The following SNX3 variants were observed in gnomAD, a reference collection of about 807,000 sequenced individuals.
SNX3 encodes the protein sorting nexin 3.
In SNX3, 5 loss-of-function variants were observed where a neutral mutation model predicts 17.7. That is an observed-to-expected ratio of 0.28 (90% CI 0.15 to 0.59). SNX3 has a LOEUF of 0.59. SNX3 is among the 20% of genes least tolerant of loss of function. The pLI is 0.88. For missense variants in SNX3, 132 were observed against 206.8 expected (o/e 0.64, Z 2.22); for synonymous variants, 91 against 76.5 (o/e 1.19, Z -0.99).
chr6:108,260,752 G>A lies in SNX3; in HGVS notation c.162+8C>T, dbSNP rs1341177907. 6.2e-7 allele frequency: 1 copy of A among 1,613,524 alleles called. No homozygotes were observed. Among genetic ancestry groups the A allele is most frequent in the East Asian group, 2.2e-5 (1 of 44,778 alleles). ...GGGTTTCTTGGGAGAGGGGAGAGAC[G>A]GCCTCACCTTGACCCTGATTTCGTA... On this transcript the variant is annotated splice_region_variant and intron_variant, in intron 1 of 3. Coordinates refer to ENST00000230085, the MANE Select transcript of SNX3 (RefSeq NM_003795.6).
rs74985967 is a variant in SNX3, at chr6:108,225,747, G to T, written c.163-2702C>A. On this transcript the variant is annotated intron_variant, in intron 1 of 3. Transcript: ENST00000230085. ...GACCAGTATTTTATCATTAAGAATA[G>T]ATTTTAGGCCAGGCATGGTGGCTCA... 3.3e-5 allele frequency among the ~76,000 whole-genome samples: 5 copies of T among 151,696 alleles called. No individual in the cohort carries two copies. In the East Asian group the frequency reaches 9.8e-4, roughly 30 times the overall value.
intron 2 of SNX3, among the ~76,000 whole-genome samples, chr6:108,215,563 G>T (rs1360879193): frequency 6.6e-6 from 1 of 152,014 alleles, no homozygotes; most frequent in Non-Finnish European, 1.5e-5. Flanking sequence ...CGCACTATAG[G>T]AAGATCCCAA....
At chr6:108,220,433 C>G (rs998541304) in intron 2 of SNX3, among the ~76,000 whole-genome samples, 1 of 151,890 alleles carries the variant, frequency 6.6e-6, no homozygotes, top group African/African-American at 2.4e-5. Flanking sequence ...TGCACAAATG[C>G]TTCCCACTAT....
rs760772067 is a variant in SNX3 at position 108,260,937 on chromosome 6, G to A, written c.-16C>T. 5.3e-5 allele frequency: 82 copies of A among 1,549,146 alleles called. No individual in the cohort carries two copies. Among genetic ancestry groups the A allele is most frequent in the Non-Finnish European group, 7.1e-5 (82 of 1,149,376 alleles). On this transcript the variant is annotated 5_prime_UTR_variant, in exon 1 of 4. Transcript: ENST00000230085. ...TCTCCGCCATTTCGCTGTAGCTGCT[G>A]CCGCCGCCGCGGGCTCCCTCCGCCC... is the stretch of plus-strand genomic sequence containing the variant.
In SNX3 at chr6:108,246,487, A is replaced by AT. The variant is rs1164278475; in HGVS notation, c.162+14272dup. ...TTACAGGCACACACCACCATGCCTAATTTTTTTTTTTTTTGTATTTTTAGT... is the reference window on the plus strand; with the variant it reads ...TTACAGGCACACACCACCATGCCTAATTTTTTTTTTTTTTTGTATTTTTAGT... On this transcript the variant is annotated intron_variant, in intron 1 of 3. Transcript: ENST00000230085. 9.5e-3 allele frequency among the ~76,000 whole-genome samples: 1,324 copies of AT among 138,996 alleles called. 13 individuals carry two copies. Among genetic ancestry groups the AT allele is most frequent in the African/African-American group, 0.029 (1,112 of 37,946 alleles). 91.2% of individuals were successfully genotyped at this position (138,996 alleles called of 152,430 possible). A position where few individuals can be genotyped will look rare whatever the true frequency, so the allele number is the denominator to read the frequency against.
chr6:108,222,848 A>G, intron 2 of SNX3, 102 bp downstream of exon 2: 1 of 729,074 alleles, frequency 1.4e-6, no homozygotes, highest in Non-Finnish European at 2.3e-6. Flanking sequence ...AAGAAATCAT[A>G]TTTGCTTTTA....
chr6:108,212,395 AG>A, intron 3 of SNX3, 141 bp from the exon 4 acceptor site: 3 of 585,472 alleles, frequency 5.1e-6, no homozygotes, highest in Non-Finnish European at 8.8e-6. Context: ...GCTGGAGTGC[AG>A]TGGCTGATCT....
intron 1 of SNX3, among the ~76,000 whole-genome samples, chr6:108,230,143 G>C (rs994343938): frequency 6.6e-6 from 1 of 151,794 alleles, no homozygotes; most frequent in African/African-American, 2.4e-5. Context: ...GATTTACCCA[G>C]AAAGAATGCT....
intron 2 of SNX3, among the ~76,000 whole-genome samples, chr6:108,219,840 A>C (rs908668190): frequency 6.6e-6 from 1 of 152,222 alleles, no homozygotes; most frequent in Non-Finnish European, 1.5e-5. Context: ...TATACACTGC[A>C]TAACAGTGTT....
chr6:108,257,695 G>C (rs984272177), intron 1 of SNX3, among the ~76,000 whole-genome samples: 3 of 152,230 alleles, frequency 2.0e-5, no homozygotes, highest in South Asian at 2.1e-4. Context: ...GCTGGGCATG[G>C]TGGCTCACGC....
intron 2 of SNX3, among the ~76,000 whole-genome samples, chr6:108,215,838 G>A (rs1473527682): frequency 1.3e-5 from 2 of 152,032 alleles, no homozygotes; most frequent in Non-Finnish European, 2.9e-5. Context: ...AGGCGGAAGT[G>A]GGATGATCAC....
At chr6:108,218,831 G>A (rs1347781981) in intron 2 of SNX3, among the ~76,000 whole-genome samples, 1 of 152,252 alleles carries the variant, frequency 6.6e-6, no homozygotes, top group African/African-American at 2.4e-5. Flanking sequence ...GAGACTAGCA[G>A]GTGGTTGCCA....
intron 1 of SNX3, among the ~76,000 whole-genome samples, chr6:108,229,001 T>G (rs1449684267): frequency 2.0e-5 from 3 of 152,110 alleles, no homozygotes; most frequent in African/African-American, 7.2e-5. Context: ...GGCTTATGCC[T>G]ATAATCCCAG....
At chr6:108,257,634 T>C (rs1201547863) in intron 1 of SNX3, among the ~76,000 whole-genome samples, 1 of 152,218 alleles carries the variant, frequency 6.6e-6, no homozygotes, top group African/African-American at 2.4e-5. Context: ...TTCCTTACTA[T>C]ATGGTGTCCT....
chr6:108,236,446 G>T (rs865796896), intron 1 of SNX3, among the ~76,000 whole-genome samples: 4 of 148,210 alleles, frequency 2.7e-5, no homozygotes, highest in African/African-American at 7.4e-5. Flanking sequence ...TGCAGTGGCG[G>T]GATCTCGGCT....
intron 1 of SNX3, among the ~76,000 whole-genome samples, chr6:108,241,437 C>A (rs1486616958): frequency 2.6e-5 from 4 of 152,070 alleles, no homozygotes; most frequent in Admixed American, 1.3e-4. Context: ...GGGAGGACTG[C>A]TTGAGGCCAG....
intron 1 of SNX3, among the ~76,000 whole-genome samples, chr6:108,256,872 T>C (rs1776048152): frequency 6.6e-6 from 1 of 152,168 alleles, no homozygotes; most frequent in African/African-American, 2.4e-5. Flanking sequence ...ACCTACCCAT[T>C]AGAACAATTT....
At chr6:108,228,365 A>G (rs1342686584) in intron 1 of SNX3, among the ~76,000 whole-genome samples, 3 of 152,134 alleles carry the variant, frequency 2.0e-5, no homozygotes, top group Non-Finnish European at 4.4e-5. Context: ...CCTGGACAAC[A>G]TGGTGAAACC....
chr6:108,260,649 G>T, intron 1 of SNX3, 111 bp downstream of exon 1: 1 of 1,253,332 alleles, frequency 8.0e-7, no homozygotes, highest in Non-Finnish European at 1.1e-6. Flanking sequence ...CTGCAAGGGG[G>T]CTCCCGGCCT....
Sources: gnomAD v4.1 joint callset for allele counts (sites outside exome capture counted in the v4.1 genomes callset) on GRCh38, gnomAD v4.1.1 for gene constraint, MANE v1.5 for transcripts, NCBI Gene and HGNC (gene_info 2026-07-23, HGNC 2026-07-21) for gene names.